PGCKA1: variants seen among roughly 807,000 people sequenced by gnomAD.
PGCKA1 encodes the protein PDCD10 and GCKIII kinases associated 1, also known as PDCD10 and GCKIII kinases-associated protein 1.
chr4:37,482,586 C>A, the PGCKA1 span, among the ~76,000 whole-genome samples: 2,285 of 152,194 alleles, frequency 0.015, 56 homozygotes, highest in African/African-American at 0.052. Flanking sequence ...AAAAGAAAAC[C>A]CTTTTTCTGG....
At chr4:37,531,463 C>G in the PGCKA1 span, among the ~76,000 whole-genome samples, 1 of 152,126 alleles carries the variant, frequency 6.6e-6, no homozygotes, top group East Asian at 1.9e-4. Context: ...ATTTGCCCTT[C>G]AAGCTCAGAA....
the PGCKA1 span, among the ~76,000 whole-genome samples, chr4:37,582,815 C>G: frequency 2.0e-5 from 3 of 151,056 alleles, no homozygotes; most frequent in Non-Finnish European, 2.9e-5. Flanking sequence ...TGTCCTTAAT[C>G]ATATGGGGGG....
the PGCKA1 span, among the ~76,000 whole-genome samples, chr4:37,513,371 G>A: frequency 6.6e-6 from 1 of 152,220 alleles, no homozygotes; most frequent in African/African-American, 2.4e-5. Context: ...TACTGTTCTG[G>A]AAGGTGAGAA....
the PGCKA1 span, among the ~76,000 whole-genome samples, chr4:37,473,807 A>G: frequency 1.3e-5 from 2 of 152,046 alleles, no homozygotes; most frequent in Non-Finnish European, 2.9e-5. Context: ...TCAAACATAC[A>G]TGATACCCAA....
At chr4:37,496,588 T>C in the PGCKA1 span, among the ~76,000 whole-genome samples, 1 of 152,222 alleles carries the variant, frequency 6.6e-6, no homozygotes, top group Non-Finnish European at 1.5e-5. Context: ...CCATTTGGGC[T>C]CTTTTTGGGT....
At chr4:37,521,171 C>A in the PGCKA1 span, among the ~76,000 whole-genome samples, 104 of 151,976 alleles carry the variant, frequency 6.8e-4, 1 homozygote, top group African/African-American at 2.3e-3. Context: ...TTTGAAGTTT[C>A]TCCATTTTTT....
the PGCKA1 span, among the ~76,000 whole-genome samples, chr4:37,515,561 C>CACTGGT: frequency 2.6e-5 from 4 of 152,306 alleles, no homozygotes; most frequent in East Asian, 7.7e-4. Context: ...CACTATACCA[C>CACTGGT]ACTGGTACTA....
the PGCKA1 span, among the ~76,000 whole-genome samples, chr4:37,570,949 T>C: frequency 6.6e-6 from 1 of 152,248 alleles, no homozygotes; most frequent in Non-Finnish European, 1.5e-5. Flanking sequence ...CTGGGTAGTA[T>C]GAGATTTGAT....
the PGCKA1 span, among the ~76,000 whole-genome samples, chr4:37,544,256 C>T: frequency 6.6e-6 from 1 of 152,000 alleles, no homozygotes. Context: ...TTATGTTTCC[C>T]TGGGAGGCTA....
At chr4:37,512,454 C>CTTTTT in the PGCKA1 span, among the ~76,000 whole-genome samples, 79 of 126,952 alleles carry the variant, frequency 6.2e-4, 1 homozygote, top group African/African-American at 1.9e-3. Context: ...GTGTTGATTT[C>CTTTTT]TTTTTTTTTT....
At chr4:37,551,631 A>G in the PGCKA1 span, among the ~76,000 whole-genome samples, 1 of 152,234 alleles carries the variant, frequency 6.6e-6, no homozygotes, top group South Asian at 2.1e-4. Flanking sequence ...AATCAAAGGC[A>G]AGTACTCAAA....
chr4:37,571,190 C>T, the PGCKA1 span, among the ~76,000 whole-genome samples: 2 of 152,102 alleles, frequency 1.3e-5, no homozygotes, highest in African/African-American at 4.8e-5. Context: ...GATGCAACAA[C>T]AGCCTGAAGA....
At chr4:37,583,603 A>T in the PGCKA1 span, among the ~76,000 whole-genome samples, 1 of 151,292 alleles carries the variant, frequency 6.6e-6, no homozygotes, top group Non-Finnish European at 1.5e-5. Context: ...CGCCCAGCTA[A>T]TTTTTTTTTA....
chr4:37,563,473 CCTCTT>C, the PGCKA1 span, among the ~76,000 whole-genome samples: 1 of 151,644 alleles, frequency 6.6e-6, no homozygotes, highest in African/African-American at 2.4e-5. Flanking sequence ...TGCTCTCTCT[CCTCTT>C]AAGGCCACCA....
chr4:37,589,820 T>C, the PGCKA1 span, among the ~76,000 whole-genome samples: 137 of 152,280 alleles, frequency 9.0e-4, 2 homozygotes, highest in East Asian at 0.025. Flanking sequence ...TTAGTAAAGA[T>C]GGGGTTTCAC....
At chr4:37,515,206 A>G in the PGCKA1 span, among the ~76,000 whole-genome samples, 3 of 152,260 alleles carry the variant, frequency 2.0e-5, no homozygotes, top group Admixed American at 6.5e-5. Context: ...ATAAAGATAT[A>G]AGAAGACAGT....
the PGCKA1 span, among the ~76,000 whole-genome samples, chr4:37,467,151 AAT>A: frequency 6.6e-6 from 1 of 152,182 alleles, no homozygotes; most frequent in South Asian, 2.1e-4. Flanking sequence ...CTGATTTAAA[AAT>A]GAGATGTATG....
chr4:37,536,956 T>C, the PGCKA1 span, among the ~76,000 whole-genome samples: 608 of 152,342 alleles, frequency 4.0e-3, 2 homozygotes, highest in Middle Eastern at 0.024. Context: ...ACTGGTGGCA[T>C]GGCTGGCCAG....
At chr4:37,485,269 T>G in the PGCKA1 span, among the ~76,000 whole-genome samples, 1 of 152,200 alleles carries the variant, frequency 6.6e-6, no homozygotes, top group East Asian at 1.9e-4. Flanking sequence ...GTTCATGAGT[T>G]AGACACTTAA....
Sources: allele counts gnomAD v4.1 joint callset (sites outside exome capture counted in the v4.1 genomes callset), GRCh38; gene constraint gnomAD v4.1.1; transcripts MANE v1.5; gene names NCBI Gene and HGNC (gene_info 2026-07-23, HGNC 2026-07-21).